Variants in CADM2 observed in about 807,000 individuals in gnomAD.
The protein encoded by CADM2 is cell adhesion molecule 2, also known as immunoglobulin superfamily member 4D.
Under a neutral mutation model 49.8 loss-of-function variants are expected in CADM2, and 12 were observed. The ratio of observed to expected loss-of-function variants is 0.24; its 90% CI spans 0.15 to 0.39. The LOEUF (loss-of-function observed/expected upper bound fraction) is 0.39, where lower values mean the gene tolerates loss of function less well. Ranked by LOEUF, CADM2 falls within the 10% of genes least tolerant of loss-of-function variation. CADM2 has a pLI of 1.00. For missense variants in CADM2, 378 were observed against 492.3 expected (o/e 0.77, Z 2.20); for synonymous variants, 214 against 175.4 (o/e 1.22, Z -1.74).
chr3:84,988,183 G>C (rs184959373), intron 1 of CADM2, among the ~76,000 whole-genome samples: 1,561 of 150,990 alleles, frequency 0.01, 38 homozygotes, highest in African/African-American at 0.036. Flanking sequence ...GGGAAACAAA[G>C]AGAGAGGGAG....
At chr3:86,053,965 T>C (rs1737627080) in intron 8 of CADM2, among the ~76,000 whole-genome samples, 1 of 152,042 alleles carries the variant, frequency 6.6e-6, no homozygotes, top group South Asian at 2.1e-4. Context: ...CCTACTATTA[T>C]TATCCTGTTT....
Position 85,289,379 on chromosome 3 carries a change from T to A in CADM2, c.61+329711T>A, listed in dbSNP as rs147209936. On this transcript the variant is annotated intron_variant, in intron 1 of 9. Coordinates refer to ENST00000383699, the MANE Select transcript of CADM2 (RefSeq NM_001167675.2). ...GTTAATGAAAGGGGAAACTATTGCA[T>A]GTTTTGTTTCAAATGCACTTTGGGT... Among the ~76,000 whole-genome samples the A allele has an allele frequency of 1.2e-4, 18 of 152,322 alleles. No homozygotes were observed. The East Asian group carries it at 3.5e-3, about 29-fold the overall frequency.
chr3:86,013,938 T>C, intron 8 of CADM2: 1 of 1,581,062 alleles, frequency 6.3e-7, no homozygotes, highest in Non-Finnish European at 8.7e-7. Flanking sequence ...CTTAAATATG[T>C]GGTTGGCAAA....
chr3:85,602,369 C>T (rs2063430679), intron 1 of CADM2, among the ~76,000 whole-genome samples: 1 of 151,758 alleles, frequency 6.6e-6, no homozygotes, highest in Non-Finnish European at 1.5e-5. Flanking sequence ...AGCAAGCAAA[C>T]TTCATTTTGA....
intron 1 of CADM2, among the ~76,000 whole-genome samples, chr3:85,657,804 T>C (rs1490786580): frequency 7.9e-6 from 1 of 125,966 alleles, no homozygotes; most frequent in African/African-American, 3.1e-5. Context: ...TTAAATTGTG[T>C]CCTCTAAAAT....
chr3:85,694,937 AT>A (rs1214971469), intron 1 of CADM2, among the ~76,000 whole-genome samples: 4 of 142,600 alleles, frequency 2.8e-5, no homozygotes, highest in Admixed American at 7.0e-5. Context: ...TCTAAAAAAA[AT>A]AAAATAAAAA....
intron 1 of CADM2, among the ~76,000 whole-genome samples, chr3:85,347,039 A>G (rs1426953996): frequency 6.6e-6 from 1 of 152,042 alleles, no homozygotes; most frequent in Non-Finnish European, 1.5e-5. Context: ...CCTGGCCAAC[A>G]TGGCGAAATC....
At chr3:85,859,325 G>C (rs768679443) in intron 3 of CADM2, among the ~76,000 whole-genome samples, 2 of 142,146 alleles carry the variant, frequency 1.4e-5, no homozygotes. Context: ...CTGCCTCCCG[G>C]GTTCAAGCGA....
intron 2 of CADM2, among the ~76,000 whole-genome samples, chr3:85,762,205 T>C (rs2107906623): frequency 6.6e-6 from 1 of 152,178 alleles, no homozygotes; most frequent in Non-Finnish European, 1.5e-5. Flanking sequence ...TTGTGACAAA[T>C]GAACTTAAGC....
chr3:86,015,975 T>G (rs1279139858), intron 8 of CADM2, among the ~76,000 whole-genome samples: 1 of 152,162 alleles, frequency 6.6e-6, no homozygotes, highest in Non-Finnish European at 1.5e-5. Context: ...TTATTTTTGA[T>G]GAAGAAAATC....
At chr3:85,782,458 C>T (rs987067199) in intron 2 of CADM2, among the ~76,000 whole-genome samples, 2 of 151,740 alleles carry the variant, frequency 1.3e-5, no homozygotes, top group African/African-American at 4.8e-5. Context: ...GGGCGGATCA[C>T]GAGGTCAGGA....
chr3:85,081,642 G>A (rs903396382), intron 1 of CADM2, among the ~76,000 whole-genome samples: 3 of 152,070 alleles, frequency 2.0e-5, no homozygotes, highest in Admixed American at 1.3e-4. Flanking sequence ...GGAAAGATAG[G>A]TTACGTCCCA....
intron 7 of CADM2, among the ~76,000 whole-genome samples, chr3:85,957,203 TA>T: frequency 6.6e-6 from 1 of 151,878 alleles, no homozygotes; most frequent in Non-Finnish European, 1.5e-5. Context: ...AAATAGCAGT[TA>T]AAAGATTTAG....
chr3:85,643,748 C>G lies in CADM2; in HGVS notation c.62-82774C>G, dbSNP rs532534455. On this transcript the variant is annotated intron_variant, in intron 1 of 9. Transcript: ENST00000383699. ...TGTGTTTTTATGAGAATAAAGGTTT[C>G]TGTCATTTGTCAAATATAATCTGAT... Among the ~76,000 whole-genome samples the G allele has an allele frequency of 2.2e-4, 34 of 152,084 alleles. 1 individual carries two copies. In the East Asian group the frequency reaches 6.4e-3, roughly 29 times the overall value.
chr3:85,295,383 C>T (rs1331230515), intron 1 of CADM2, among the ~76,000 whole-genome samples: 3 of 152,088 alleles, frequency 2.0e-5, no homozygotes, highest in Admixed American at 6.5e-5. Context: ...GTCAGTGTGG[C>T]GATTCCTCAG....
intron 1 of CADM2, among the ~76,000 whole-genome samples, chr3:85,133,609 C>T (rs527400700): frequency 1.2e-3 from 175 of 152,072 alleles, no homozygotes; most frequent in Non-Finnish European, 2.1e-3. Flanking sequence ...TCCAAGGCCC[C>T]ACCAGAGTAG....
chr3:85,171,397 C>T (rs987772609), intron 1 of CADM2, among the ~76,000 whole-genome samples: 1 of 152,138 alleles, frequency 6.6e-6, no homozygotes, highest in African/African-American at 2.4e-5. Flanking sequence ...TTATTTATTA[C>T]AGCATGACAA....
chr3:85,500,522 A>T (rs1007313298), intron 1 of CADM2, among the ~76,000 whole-genome samples: 1 of 145,994 alleles, frequency 6.8e-6, no homozygotes, highest in Non-Finnish European at 1.5e-5. Flanking sequence ...CATAGGTGGA[A>T]TTTTTTTTTT....
At chr3:85,080,562 T>C (rs184861097) in intron 1 of CADM2, among the ~76,000 whole-genome samples, 1 of 152,206 alleles carries the variant, frequency 6.6e-6, no homozygotes, top group Admixed American at 6.6e-5. Flanking sequence ...AATCTTAATC[T>C]AATAGTACCT....
Sources: allele counts gnomAD v4.1 joint callset (sites outside exome capture counted in the v4.1 genomes callset), GRCh38; gene constraint gnomAD v4.1.1; transcripts MANE v1.5; gene names NCBI Gene and HGNC (gene_info 2026-07-23, HGNC 2026-07-21).